SUDS3: variants seen among roughly 807,000 people sequenced by gnomAD.
The protein encoded by SUDS3 is sin3 histone deacetylase corepressor complex component SDS3.
In SUDS3, 23 loss-of-function variants were observed where a neutral mutation model predicts 53.5. That is an observed-to-expected ratio of 0.43 (90% confidence interval 0.31 to 0.61). SUDS3 has a LOEUF of 0.61. SUDS3 is among the 20% of genes least tolerant of loss of function. The probability of loss-of-function intolerance (pLI) is 0.10; values close to 1 mark genes in which losing one functional copy is unlikely to be tolerated. For synonymous variants in SUDS3, 150 were observed against 148.5 expected, an observed-to-expected ratio of 1.01 and a Z score of -0.08; for missense variants, 291 against 405.9, an observed-to-expected ratio of 0.72 and a Z score of 2.43.
intron 10 of SUDS3, among the ~76,000 whole-genome samples, chr12:118,405,472 T>A (rs1328598000): frequency 1.3e-5 from 2 of 152,238 alleles, no homozygotes; most frequent in Non-Finnish European, 2.9e-5. Flanking sequence ...ATTTGATGTG[T>A]TAGAACTCCT....
chr12:118,378,150 A>G (rs2046019467), intron 1 of SUDS3, among the ~76,000 whole-genome samples: 3 of 152,176 alleles, frequency 2.0e-5, no homozygotes, highest in South Asian at 2.1e-4. Flanking sequence ...AAAATTTTGT[A>G]CACACCCCAG....
At chr12:118,386,070 A>G (rs1031299704) in intron 3 of SUDS3, 44 bp from the exon 4 acceptor site, 2 of 1,457,714 alleles carry the variant, frequency 1.4e-6, no homozygotes, top group Admixed American at 2.0e-5. Flanking sequence ...TGTAGAGCAG[A>G]TTTATATTCA....
intron 4 of SUDS3, 78 bp downstream of exon 4, chr12:118,386,263 A>C (rs1200007901): frequency 8.7e-7 from 1 of 1,144,776 alleles, no homozygotes; most frequent in African/African-American, 1.6e-5. Flanking sequence ...TGCAGCCCTA[A>C]GAGCTATTCT....
Position 118,401,430 on chromosome 12 carries a change from G to A in SUDS3, c.614-329G>A, listed in dbSNP as rs185393052. 2.0e-5 allele frequency among the ~76,000 whole-genome samples: 3 copies of A among 152,318 alleles called. No individual in the cohort carries two copies. The East Asian group carries it at 5.8e-4, about 29-fold the overall frequency. ...GCCTTACCTTGGGTGAGTGTGTGTG[G>A]AAGTCTTTAGATCTTTGGAACAAAA... On this transcript the variant is annotated intron_variant, in intron 7 of 11. Transcript: ENST00000543473.
chr12:118,382,101 A>G (rs1302630569), intron 2 of SUDS3, among the ~76,000 whole-genome samples: 1 of 151,494 alleles, frequency 6.6e-6, no homozygotes, highest in Non-Finnish European at 1.5e-5. Flanking sequence ...GTGCAATGGC[A>G]TGATCTCGTC....
intron 10 of SUDS3, among the ~76,000 whole-genome samples, chr12:118,406,704 G>T (rs2046311257): frequency 7.4e-6 from 1 of 135,262 alleles, no homozygotes; most frequent in Admixed American, 7.2e-5. Context: ...AGGTTAATTG[G>T]CCTAAAAAAA....
intron 6 of SUDS3, among the ~76,000 whole-genome samples, chr12:118,399,947 A>C (rs75466240): frequency 0.022 from 3,349 of 152,160 alleles, 121 homozygotes; most frequent in African/African-American, 0.076. Context: ...CCCAAAGATG[A>C]TCAGTATTCA....
At chr12:118,383,451 C>G (rs1566196841) in intron 2 of SUDS3, among the ~76,000 whole-genome samples, 1 of 152,200 alleles carries the variant, frequency 6.6e-6, no homozygotes, top group Non-Finnish European at 1.5e-5. Context: ...TCCCATCCAG[C>G]TGGGGCTGCC....
intron 2 of SUDS3, among the ~76,000 whole-genome samples, chr12:118,381,637 T>G (rs1186921492): frequency 1.3e-5 from 2 of 152,106 alleles, no homozygotes; most frequent in Non-Finnish European, 2.9e-5. Context: ...TCCACCTGCT[T>G]TGGTCTCCCA....
intron 10 of SUDS3, among the ~76,000 whole-genome samples, chr12:118,403,822 C>T (rs966843862): frequency 1.3e-5 from 2 of 152,082 alleles, no homozygotes; most frequent in African/African-American, 4.8e-5. Context: ...GTGTATGTCC[C>T]CCCTCTGACC....
At position 118,414,140 on chromosome 12, in the gene SUDS3, G is replaced by C. The variant is rs189458749; in HGVS notation, c.889-195G>C. On this transcript the variant is annotated intron_variant, in intron 11 of 11. Coordinates refer to ENST00000543473, the MANE Select transcript of SUDS3 (RefSeq NM_022491.3). ...AGAAACGAGTTCAAGGCTGATGCCTGTTCCCAGCGGCATGCCTTTAGATGG... is the reference window on the plus strand; with the variant it reads ...AGAAACGAGTTCAAGGCTGATGCCTCTTCCCAGCGGCATGCCTTTAGATGG... 2.6e-5 allele frequency among the ~76,000 whole-genome samples: 4 copies of C among 152,314 alleles called. 1 individual carries two copies. The South Asian group carries it at 6.2e-4, about 24-fold the overall frequency.
chr12:118,403,374 G>GT, intron 9 of SUDS3, 38 bp from the exon 10 acceptor site: 2 of 1,508,032 alleles, frequency 1.3e-6, no homozygotes, highest in Non-Finnish European at 9.2e-7. Context: ...GCATGTGTTT[G>GT]TTACATTCTT....
At chr12:118,412,733 G>C (rs1435533435) in intron 11 of SUDS3, among the ~76,000 whole-genome samples, 2 of 151,884 alleles carry the variant, frequency 1.3e-5, no homozygotes, top group Admixed American at 1.3e-4. Flanking sequence ...AGATTTTTCA[G>C]AAAAATATAA....
At chr12:118,410,253 CT>C (rs1279616886) in intron 10 of SUDS3, among the ~76,000 whole-genome samples, 1 of 150,240 alleles carries the variant, frequency 6.7e-6, no homozygotes, top group African/African-American at 2.4e-5. Context: ...TAAAGTCAGC[CT>C]TCCTTCTTGT....
intron 4 of SUDS3, 25 bp from the exon 5 acceptor site, chr12:118,389,902 T>G (rs1325862698): frequency 6.2e-7 from 1 of 1,613,892 alleles, no homozygotes; most frequent in Non-Finnish European, 8.5e-7. Context: ...CTAGCAAATC[T>G]AATTGCACTT....
rs543969837 is a variant in SUDS3 at position 118,398,659 on chromosome 12, C to T, written c.518-2000C>T. Among the ~76,000 whole-genome samples the T allele has an allele frequency of 4.0e-5, 5 of 124,604 alleles. No homozygotes were observed. The South Asian group carries it at 1.4e-3, about 35-fold the overall frequency. The allele number at this position is 124,604 out of a possible 152,430, so 81.7% of individuals were successfully genotyped here. ...CAAATTTTCTGTGGCACATGTATGA[C>T]ATGCTCTAAGATCCTGCACACTGCT... On this transcript the variant is annotated intron_variant, in intron 6 of 11. Transcript: ENST00000543473.
At chr12:118,376,981 AC>A (rs1455781717) in intron 1 of SUDS3, 148 bp downstream of exon 1, 66 of 1,088,560 alleles carry the variant, frequency 6.1e-5, no homozygotes, top group Non-Finnish European at 8.0e-5. Flanking sequence ...CGGGGAAGTT[AC>A]CCCCATCCGT....
intron 4 of SUDS3, among the ~76,000 whole-genome samples, chr12:118,388,436 C>T (rs2046134148): frequency 6.6e-6 from 1 of 152,166 alleles, no homozygotes; most frequent in African/African-American, 2.4e-5. Context: ...GCACAGCCCC[C>T]TGTCACCCAG....
chr12:118,402,837 T>G (rs1017538540), intron 9 of SUDS3, among the ~76,000 whole-genome samples: 1 of 151,846 alleles, frequency 6.6e-6, no homozygotes, highest in Non-Finnish European at 1.5e-5. Context: ...CTCGGCTCAG[T>G]GCAACCTCCG....
Sources: gnomAD v4.1 joint callset for allele counts (sites outside exome capture counted in the v4.1 genomes callset) on GRCh38, gnomAD v4.1.1 for gene constraint, MANE v1.5 for transcripts, NCBI Gene and HGNC (gene_info 2026-07-23, HGNC 2026-07-21) for gene names.